Variants in ATOSA observed in about 807,000 individuals in gnomAD.
ATOSA encodes atos homolog protein A.
At chr15:52,589,668 T>C in the ATOSA span, among the ~76,000 whole-genome samples, 1 of 152,258 alleles carries the variant, frequency 6.6e-6, no homozygotes, top group South Asian at 2.1e-4. Flanking sequence ...GGAAATTATT[T>C]GGAATTTTAT....
the ATOSA span, chr15:52,598,617 AC>A: frequency 1.4e-4 from 22 of 152,190 alleles, no homozygotes; most frequent in Non-Finnish European, 3.1e-4. Context: ...TATAAATAAG[AC>A]CTATGGGTTG....
chr15:52,635,921 C>T, the ATOSA span, among the ~76,000 whole-genome samples: 20 of 151,218 alleles, frequency 1.3e-4, no homozygotes, highest in African/African-American at 3.6e-4. Flanking sequence ...GCTTGAACCC[C>T]GGGGGCAGGG....
At chr15:52,628,616 C>T in the ATOSA span, among the ~76,000 whole-genome samples, 1 of 152,072 alleles carries the variant, frequency 6.6e-6, no homozygotes, top group Non-Finnish European at 1.5e-5. Context: ...TTTTTAAAAA[C>T]ACTATCCTAG....
the ATOSA span, among the ~76,000 whole-genome samples, chr15:52,588,532 G>A: frequency 6.6e-6 from 1 of 152,056 alleles, no homozygotes; most frequent in Admixed American, 6.6e-5. Flanking sequence ...CTTGCCTCCC[G>A]GGTTCAAGCG....
chr15:52,593,802 A>G, the ATOSA span: 438 of 1,427,100 alleles, frequency 3.1e-4, 1 homozygote, highest in African/African-American at 5.3e-3. Context: ...TTTTCTATTT[A>G]AAGAAATATA....
At chr15:52,620,064 T>C in the ATOSA span, among the ~76,000 whole-genome samples, 1 of 152,184 alleles carries the variant, frequency 6.6e-6, no homozygotes, top group Non-Finnish European at 1.5e-5. Flanking sequence ...TGCTTTTGCA[T>C]GCTCTTCTGG....
the ATOSA span, chr15:52,613,996 A>C: frequency 1.3e-6 from 1 of 787,488 alleles, no homozygotes; most frequent in Non-Finnish European, 2.1e-6. Flanking sequence ...TGAGAATCAA[A>C]ATATACTAAA....
the ATOSA span, among the ~76,000 whole-genome samples, chr15:52,605,830 G>T: frequency 6.6e-6 from 1 of 151,958 alleles, no homozygotes; most frequent in Non-Finnish European, 1.5e-5. Context: ...ATTCTCAGGG[G>T]ATATATTCCA....
the ATOSA span, among the ~76,000 whole-genome samples, chr15:52,681,466 T>C: frequency 6.6e-6 from 1 of 152,218 alleles, no homozygotes; most frequent in African/African-American, 2.4e-5. Flanking sequence ...GTGTTTAGAC[T>C]CTGACAATAG....
chr15:52,676,321 G>C, the ATOSA span, among the ~76,000 whole-genome samples: 2 of 152,094 alleles, frequency 1.3e-5, no homozygotes, highest in African/African-American at 4.8e-5. Flanking sequence ...TCAAATTGCA[G>C]GTCATCATGA....
the ATOSA span, among the ~76,000 whole-genome samples, chr15:52,667,519 A>G: frequency 1.3e-5 from 2 of 152,218 alleles, no homozygotes; most frequent in Non-Finnish European, 2.9e-5. Context: ...GAATACTTTT[A>G]TTTTTAGAAG....
chr15:52,627,265 T>A, the ATOSA span, among the ~76,000 whole-genome samples: 1 of 152,194 alleles, frequency 6.6e-6, no homozygotes, highest in East Asian at 1.9e-4. Flanking sequence ...TGTCACAAAC[T>A]GCACATTTTT....
chr15:52,675,200 C>T, the ATOSA span, among the ~76,000 whole-genome samples: 2 of 152,124 alleles, frequency 1.3e-5, no homozygotes, highest in South Asian at 4.1e-4. Flanking sequence ...CAGTAAAATA[C>T]TATCGACTAT....
the ATOSA span, among the ~76,000 whole-genome samples, chr15:52,589,561 A>T: frequency 6.6e-6 from 1 of 152,136 alleles, no homozygotes; most frequent in Non-Finnish European, 1.5e-5. Flanking sequence ...CAGCTTTTTG[A>T]AAAAAACCAT....
the ATOSA span, among the ~76,000 whole-genome samples, chr15:52,693,378 C>T: frequency 6.6e-6 from 1 of 152,190 alleles, no homozygotes; most frequent in African/African-American, 2.4e-5. Flanking sequence ...CAAGATCACG[C>T]TCCTTCACTC....
the ATOSA span, chr15:52,599,978 T>A: frequency 8.3e-6 from 4 of 479,130 alleles, no homozygotes; most frequent in East Asian, 1.4e-4. Flanking sequence ...TCCCTTCTTG[T>A]GAAAATAAAA....
At chr15:52,615,355 A>C in the ATOSA span, among the ~76,000 whole-genome samples, 2 of 152,248 alleles carry the variant, frequency 1.3e-5, no homozygotes, top group African/African-American at 4.8e-5. Flanking sequence ...AAGTGCACAC[A>C]CTATTCAATT....
the ATOSA span, among the ~76,000 whole-genome samples, chr15:52,671,955 T>A: frequency 2.6e-5 from 4 of 151,720 alleles, no homozygotes; most frequent in African/African-American, 9.7e-5. Flanking sequence ...AAATTATTGC[T>A]AGGAATTGTG....
chr15:52,621,212 T>C, the ATOSA span, among the ~76,000 whole-genome samples: 1 of 152,192 alleles, frequency 6.6e-6, no homozygotes. Flanking sequence ...GAAACATATC[T>C]ACAATATAAG....
Sources: gnomAD v4.1 joint callset for allele counts (sites outside exome capture counted in the v4.1 genomes callset) on GRCh38, gnomAD v4.1.1 for gene constraint, MANE v1.5 for transcripts, NCBI Gene and HGNC (gene_info 2026-07-23, HGNC 2026-07-21) for gene names.